The following ATP7A variants were observed in gnomAD, a reference collection of about 807,000 sequenced individuals.
ATP7A encodes the protein copper-transporting ATPase 1.
A neutral mutation model predicts 83.5 loss-of-function variants in ATP7A; 7 were observed. That is an observed-to-expected ratio of 0.08 (90% CI 0.05 to 0.16). The LOEUF (loss-of-function observed/expected upper bound fraction) is 0.16. Among genes scored for constraint, ATP7A ranks in the 10% least tolerant of loss-of-function variants. The pLI, the probability that ATP7A is intolerant of heterozygous loss-of-function variation, is 1.00. For missense variants in ATP7A, 940 were observed against 1,120.8 expected, an observed-to-expected ratio of 0.84 and a Z score of 2.30; for synonymous variants, 354 against 395.2, an observed-to-expected ratio of 0.90 and a Z score of 1.24.
At chrX:77,979,586 T>C (rs2149077977) in intron 2 of ATP7A, among the ~76,000 whole-genome samples, 1 of 112,350 alleles carries the variant, frequency 8.9e-6, no homozygotes. Context: ...TAATTAAGCC[T>C]CAGGTGCAGT....
rs1310971407 is a variant in ATP7A, at chrX:78,033,763, T to A, written c.3453T>A (p.Asp1151Glu). 1 of 1,209,394 alleles carries A rather than the reference T, an allele frequency of 8.3e-7. No homozygotes were observed. Among genetic ancestry groups the A allele is most frequent in the East Asian group, 3.0e-5 (1 of 33,793 alleles). ...NIKNASLVQIDASNEQSSTSS... is the reference protein window; with the variant it reads ...NIKNASLVQIEASNEQSSTSS... ...AAAATGCATCCCTGGTTCAAATTGA[T>A]GCCAGTAATGAACAGTCATCAACTT... Residue 1151 changes from aspartate to glutamate, a missense_variant, in exon 17 of 23, where the codon GAT (aspartate) becomes GAA (glutamate). Coordinates refer to ENST00000341514, the MANE Select transcript of ATP7A (RefSeq NM_000052.7).
At chrX:77,933,790 C>T (rs1446775162) in intron 1 of ATP7A, among the ~76,000 whole-genome samples, 3 of 112,351 alleles carry the variant, frequency 2.7e-5, no homozygotes, top group African/African-American at 9.7e-5. Context: ...GTTCCTGACT[C>T]TGAATTTATA....
intron 2 of ATP7A, 105 bp from the exon 3 acceptor site, chrX:77,988,137 A>C (rs1482683740): frequency 1.1e-6 from 1 of 879,183 alleles, no homozygotes; most frequent in African/African-American, 2.0e-5. Flanking sequence ...AAACTCCATT[A>C]GATTGAGTTG....
intron 1 of ATP7A, chrX:77,966,990 A>C (rs1411618722): frequency 4.8e-5 from 12 of 252,224 alleles, no homozygotes; most frequent in Non-Finnish European, 7.6e-5. Flanking sequence ...TTTATGAACA[A>C]GAACATGCAG....
intron 1 of ATP7A, among the ~76,000 whole-genome samples, chrX:77,912,786 C>CTTTTCCTT (rs1356775687): frequency 8.9e-6 from 1 of 112,031 alleles, no homozygotes; most frequent in Non-Finnish European, 1.9e-5. Flanking sequence ...GGAATCTCTG[C>CTTTTCCTT]TTTTCCTTTT....
At chrX:77,959,941 A>G (rs1178350737) in intron 1 of ATP7A, among the ~76,000 whole-genome samples, 2 of 112,323 alleles carry the variant, frequency 1.8e-5, no homozygotes, top group African/African-American at 6.5e-5. Flanking sequence ...TACTCTAACC[A>G]ACGGAACAAG....
chrX:78,031,617 A>C (rs1421953438), intron 16 of ATP7A, 35 bp downstream of exon 16: 4 of 1,171,132 alleles, frequency 3.4e-6, no homozygotes, highest in Non-Finnish European at 4.7e-6. Flanking sequence ...TAGTGTAGTC[A>C]TCTCCTGTAG....
intron 1 of ATP7A, among the ~76,000 whole-genome samples, chrX:77,922,810 C>T (rs1557223251): frequency 8.9e-6 from 1 of 112,034 alleles, no homozygotes; most frequent in Non-Finnish European, 1.9e-5. Flanking sequence ...CATCCCTGAA[C>T]TCCTTAAAGC....
Position 78,046,859 on chromosome X carries a change from C to A in ATP7A, c.*289C>A. ...CCTACAATTAGAGATTGCTGAACTG[C>A]TGCTAAAGTGATTTTTTTTTTATTT... On this transcript the variant is annotated 3_prime_UTR_variant, in exon 23 of 23. Transcript: ENST00000341514. 4.6e-6 allele frequency: 1 copy of A among 215,596 alleles called. No individual in the cohort carries two copies. The highest frequency in any genetic ancestry group is 8.1e-6 in the Non-Finnish European group (1 of 123,302). 17.8% of individuals were successfully genotyped at this position (215,596 alleles called of 1,213,427 possible).
At chrX:78,010,830 T>C (rs1396783149) in intron 7 of ATP7A, among the ~76,000 whole-genome samples, 4 of 110,132 alleles carry the variant, frequency 3.6e-5, no homozygotes, top group African/African-American at 9.9e-5. Context: ...TTGCCCACCT[T>C]GGCCTCCCAA....
At chrX:77,957,760 GTTTCAGATTTTA>G (rs1159937086) in intron 1 of ATP7A, among the ~76,000 whole-genome samples, 6 of 110,760 alleles carry the variant, frequency 5.4e-5, no homozygotes, top group African/African-American at 2.0e-4. Context: ...TAGTTTCATA[GTTTCAGATTTTA>G]TATTTAAGCA....
chrX:77,985,960 CCTT>C (rs1282420331), intron 2 of ATP7A, among the ~76,000 whole-genome samples: 1 of 111,611 alleles, frequency 9.0e-6, no homozygotes, highest in Non-Finnish European at 1.9e-5. Context: ...TTAAAAGAGG[CCTT>C]CTTTAAAAAC....
chrX:78,045,752 G>A (rs2078079372), intron 22 of ATP7A, among the ~76,000 whole-genome samples, 180 bp downstream of exon 22: 1 of 112,185 alleles, frequency 8.9e-6, no homozygotes, highest in Non-Finnish European at 1.9e-5. Context: ...GGAGGCCGAG[G>A]TGGGCAGATC....
intron 16 of ATP7A, 113 bp from the exon 17 acceptor site, chrX:78,033,492 A>G (rs1557237397): frequency 2.8e-6 from 2 of 717,402 alleles, no homozygotes; most frequent in African/African-American, 4.3e-5. Context: ...AGTAGGCAAT[A>G]TGTGACAATT....
intron 12 of ATP7A, among the ~76,000 whole-genome samples, chrX:78,019,825 C>T (rs782748703): frequency 1.8e-5 from 2 of 110,494 alleles, no homozygotes; most frequent in African/African-American, 6.6e-5. Context: ...TCTTAGTTCT[C>T]GGGGACTCTC....
Position 77,989,601 on chromosome X carries a change from A to G in ATP7A, c.979A>G (p.Thr327Ala). Reference sequence around the variant, plus strand: ...TGTGAAGTATAATGCAAGCTCAGTCACTCCAGAATCCCTGAGAAAAGCAAT... The same window carrying G: ...TGTGAAGTATAATGCAAGCTCAGTCGCTCCAGAATCCCTGAGAAAAGCAAT... ...AIVKYNASSV[T>A]PESLRKAIEA... The change falls in exon 4 of 23, where the codon ACT (threonine) becomes GCT (alanine). Residue 327 changes from threonine to alanine, a missense_variant. Around this residue, in one of 3 missense-constraint regions of ATP7A, gnomAD observed 350 missense variants for 432.8 expected, o/e 0.81. Transcript: ENST00000341514. 1 of 1,211,566 alleles carries G rather than the reference A, an allele frequency of 8.3e-7. No individual in the cohort carries two copies. Among genetic ancestry groups the G allele is most frequent in the East Asian group, 3.0e-5 (1 of 33,850 alleles).
intron 12 of ATP7A, among the ~76,000 whole-genome samples, chrX:78,016,408 T>G (rs2077864766): frequency 9.0e-6 from 1 of 110,836 alleles, no homozygotes; most frequent in African/African-American, 3.3e-5. Flanking sequence ...AACCATATCA[T>G]CCCACCCTTG....
chrX:77,947,069 GA>G (rs1569549039), intron 1 of ATP7A, among the ~76,000 whole-genome samples: 1 of 111,945 alleles, frequency 8.9e-6, no homozygotes, highest in Non-Finnish European at 1.9e-5. Flanking sequence ...TGATATAATA[GA>G]ACATTAGCTT....
chrX:77,995,829 C>T (rs1160704862), intron 4 of ATP7A, among the ~76,000 whole-genome samples: 5 of 110,561 alleles, frequency 4.5e-5, no homozygotes, highest in Non-Finnish European at 9.5e-5. Context: ...CTGCAACCTC[C>T]GCCTCCCGGG....
Sources: gnomAD v4.1 joint callset for allele counts (sites outside exome capture counted in the v4.1 genomes callset) on GRCh38, gnomAD v4.1.1 for gene constraint, gnomAD v4.1.1 regional missense constraint, MANE v1.5 for transcripts, NCBI Gene and HGNC (gene_info 2026-07-23, HGNC 2026-07-21) for gene names.